The following LRRIQ4 variants were observed in gnomAD, a reference collection of about 807,000 sequenced individuals.
The protein encoded by LRRIQ4 is leucine rich repeats and IQ motif containing 4, also known as leucine-rich repeat and IQ domain-containing protein 4.
In LRRIQ4, 21 loss-of-function variants were observed where a neutral mutation model predicts 40.1. That is an observed-to-expected ratio of 0.52 (90% CI 0.37 to 0.75). The LOEUF (loss-of-function observed/expected upper bound fraction) is 0.75. Ranked by LOEUF, LRRIQ4 falls within the 30% of genes least tolerant of loss-of-function variation. The pLI is 0.00. For synonymous variants in LRRIQ4, 277 were observed against 277.1 expected (o/e 1.00, Z 0.00); for missense variants, 655 against 660.0 (o/e 0.99, Z 0.08).
At position 169,822,808 on chromosome 3, in the gene LRRIQ4, G is replaced by A; in HGVS notation, c.887G>A (p.Arg296Gln). The change falls in exon 2 of 6, where the codon CGG (arginine) becomes CAG (glutamine). Residue 296 changes from arginine (R) to glutamine (Q), a missense_variant. Physicochemically the swap from Arg to Gln is conservative, Grantham distance 43 (BLOSUM62 1). Coordinates refer to ENST00000340806, the MANE Select transcript of LRRIQ4 (RefSeq NM_001080460.3). ...GGAAACACCGGCCTGCACAGGCTGC[G>A]GGGCTCCTTCAGGTGCCTGGTCAAC... ...YLGNTGLHRL[R>Q]GSFRCLVNLR... The A allele has an allele frequency of 6.2e-7, 1 of 1,613,680 alleles. No individual in the cohort carries two copies. The highest frequency in any genetic ancestry group is 8.5e-7 in the Non-Finnish European group (1 of 1,179,770).
intron 4 of LRRIQ4, among the ~76,000 whole-genome samples, chr3:169,831,258 A>ATT (rs1435211345): frequency 1.2e-4 from 6 of 52,162 alleles, no homozygotes; most frequent in African/African-American, 2.3e-4. Context: ...AACTATGGCT[A>ATT]TTCTTTTTTT....
chr3:169,830,459 G>T (rs570011970), intron 3 of LRRIQ4, 33 bp from the exon 4 acceptor site: 5 of 1,316,506 alleles, frequency 3.8e-6, no homozygotes, highest in Admixed American at 4.7e-5. Flanking sequence ...ATTAATCAAG[G>T]TATATTATTA....
At chr3:169,824,074 A>G (rs1779982031) in intron 2 of LRRIQ4, among the ~76,000 whole-genome samples, 1 of 152,212 alleles carries the variant, frequency 6.6e-6, no homozygotes, top group Non-Finnish European at 1.5e-5. Flanking sequence ...CTATATATAT[A>G]CACACATATA....
In LRRIQ4 at chr3:169,831,440, A is replaced by ATTTT. The variant is rs750864248; in HGVS notation, c.1333+850_1333+853dup. 9.9e-4 allele frequency among the ~76,000 whole-genome samples: 29 copies of ATTTT among 29,428 alleles called. 5 individuals are homozygous for ATTTT. Among genetic ancestry groups the ATTTT allele is most frequent in the Non-Finnish European group, 1.2e-3 (18 of 15,642 alleles). 19.3% of individuals were successfully genotyped at this position (29,428 alleles called of 152,430 possible). A position where few individuals can be genotyped will look rare whatever the true frequency, so the allele number is the denominator to read the frequency against. ...AGGCGCCCGCCACCACGCCCGGCTAATTTTTTTTTTTTTTTTTTTTTTTTT... is the reference window on the plus strand; with the variant it reads ...AGGCGCCCGCCACCACGCCCGGCTAATTTTTTTTTTTTTTTTTTTTTTTTTTTTT... On this transcript the variant is annotated intron_variant, in intron 4 of 5. Transcript: ENST00000340806.
chr3:169,821,362 C>T (rs1379382659), intron 1 of LRRIQ4, among the ~76,000 whole-genome samples: 1 of 152,036 alleles, frequency 6.6e-6, no homozygotes, highest in Non-Finnish European at 1.5e-5. Flanking sequence ...AGGCTGGGCA[C>T]GGCGGCTCAT....
intron 3 of LRRIQ4, among the ~76,000 whole-genome samples, 200 bp from the exon 4 acceptor site, chr3:169,830,292 A>G (rs529587280): frequency 2.5e-4 from 37 of 148,028 alleles, no homozygotes; most frequent in Non-Finnish European, 4.0e-4. Context: ...TAATGGATTT[A>G]CTCAAAAATA....
chr3:169,823,077 T>C, intron 2 of LRRIQ4, 136 bp downstream of exon 2: 1 of 689,486 alleles, frequency 1.5e-6, no homozygotes, highest in Non-Finnish European at 2.3e-6. Context: ...TCCAACAAGG[T>C]GATACTTTGT....
chr3:169,822,506 G>T lies in LRRIQ4; in HGVS notation c.585G>T (p.Leu195=). Residue 195 remains leucine (L), a synonymous_variant, in exon 2 of 6, where the codon CTG becomes CTT. Coordinates refer to ENST00000340806, the MANE Select transcript of LRRIQ4 (RefSeq NM_001080460.3). Reference sequence around the variant, plus strand: ...TCTACACCCTGGAAATCATTGACCTGGACGAGAACAAAATAGGTGCCATCC... The same window carrying T: ...TCTACACCCTGGAAATCATTGACCTTGACGAGAACAAAATAGGTGCCATCC... ...CVLYTLEIID[L]DENKIGAIPE... The T allele has an allele frequency of 1.2e-6, 2 of 1,613,986 alleles. No homozygotes were observed. The highest frequency in any genetic ancestry group is 1.7e-6 in the Non-Finnish European group (2 of 1,179,894).
chr3:169,820,840 T>G (rs979276360), intron 1 of LRRIQ4, among the ~76,000 whole-genome samples: 5 of 152,332 alleles, frequency 3.3e-5, no homozygotes, highest in African/African-American at 1.2e-4. Context: ...TCTCTGTTCT[T>G]TAGTCCAGCC....
rs377500651 is a variant in LRRIQ4 at position 169,831,503 on chromosome 3, T to C, written c.1333+873T>C. 1.4e-3 allele frequency among the ~76,000 whole-genome samples: 175 copies of C among 122,636 alleles called. No homozygotes were observed. In the East Asian group the frequency reaches 0.015, roughly 11 times the overall value. The allele number at this position is 122,636 out of a possible 152,430, so 80.5% of individuals were successfully genotyped here. A position where few individuals can be genotyped will look rare whatever the true frequency, so the allele number is the denominator to read the frequency against. ...TTTTTTAGTAGAGACGGGGTTTCAC[T>C]GTGTTAGCCAGGATGGTCTTGATCT... On this transcript the variant is annotated intron_variant, in intron 4 of 5. Coordinates refer to ENST00000340806, the MANE Select transcript of LRRIQ4 (RefSeq NM_001080460.3).
chr3:169,823,071 A>G (rs1242004211), intron 2 of LRRIQ4, 130 bp downstream of exon 2: 3 of 694,708 alleles, frequency 4.3e-6, no homozygotes. Flanking sequence ...TAAATATCCA[A>G]CAAGGTGATA....
intron 1 of LRRIQ4, among the ~76,000 whole-genome samples, chr3:169,819,805 T>TA (rs1779840955): frequency 6.6e-6 from 1 of 152,222 alleles, no homozygotes; most frequent in Non-Finnish European, 1.5e-5. Context: ...TTATTTGTAT[T>TA]ATCACCTCAG....
At chr3:169,836,525 A>G (rs147577718) in intron 5 of LRRIQ4, among the ~76,000 whole-genome samples, 34 of 152,090 alleles carry the variant, frequency 2.2e-4, no homozygotes, top group Non-Finnish European at 1.6e-4. Context: ...GAGAGTGCTA[A>G]CTCTCTGATA....
intron 5 of LRRIQ4, among the ~76,000 whole-genome samples, chr3:169,833,623 C>G (rs1215732298): frequency 6.6e-6 from 1 of 152,240 alleles, no homozygotes; most frequent in Non-Finnish European, 1.5e-5. Context: ...TAATTCTGCT[C>G]TAGCCCTTTG....
chr3:169,829,328 T>C (rs1226569681), intron 3 of LRRIQ4, among the ~76,000 whole-genome samples: 2 of 152,136 alleles, frequency 1.3e-5, no homozygotes, highest in African/African-American at 2.4e-5. Context: ...GGATTTCCTG[T>C]AAGGGGAAGT....
chr3:169,836,014 A>C (rs1780295366), intron 5 of LRRIQ4, among the ~76,000 whole-genome samples: 2 of 151,996 alleles, frequency 1.3e-5, no homozygotes, highest in Non-Finnish European at 2.9e-5. Flanking sequence ...CATTCAACAA[A>C]CATTTATTGA....
chr3:169,820,849 C>A (rs1001931634), intron 1 of LRRIQ4, among the ~76,000 whole-genome samples: 2 of 152,192 alleles, frequency 1.3e-5, no homozygotes, highest in African/African-American at 4.8e-5. Context: ...TTTAGTCCAG[C>A]CTGCAATTTT....
intron 5 of LRRIQ4, among the ~76,000 whole-genome samples, chr3:169,834,854 A>G (rs1391086500): frequency 1.3e-5 from 2 of 151,974 alleles, no homozygotes; most frequent in Non-Finnish European, 2.9e-5. Flanking sequence ...AAAAATTTAA[A>G]AATGTATATA....
At chr3:169,829,053 G>C in intron 3 of LRRIQ4, 121 bp downstream of exon 3, 1 of 858,874 alleles carries the variant, frequency 1.2e-6, no homozygotes, top group Non-Finnish European at 1.8e-6. Flanking sequence ...TAGATTTCCA[G>C]CTTCAGACAA....
Sources: allele counts gnomAD v4.1 joint callset (sites outside exome capture counted in the v4.1 genomes callset), GRCh38; gene constraint gnomAD v4.1.1; transcripts MANE v1.5; gene names NCBI Gene and HGNC (gene_info 2026-07-23, HGNC 2026-07-21).